The following USP47 variants were observed in gnomAD, a reference collection of about 807,000 sequenced individuals.
USP47 encodes the protein ubiquitin specific peptidase 47, also known as ubiquitin carboxyl-terminal hydrolase 47.
A neutral mutation model predicts 165.1 loss-of-function variants in USP47; 35 were observed. The ratio of observed to expected loss-of-function variants is 0.21; its 90% CI spans 0.16 to 0.28. USP47 has a LOEUF of 0.28. Among genes scored for constraint, USP47 ranks in the 10% least tolerant of loss-of-function variants. The probability of loss-of-function intolerance (pLI) is 1.00; values close to 1 mark genes in which losing one functional copy is unlikely to be tolerated. For missense variants in USP47, 1,277 were observed against 1,607.4 expected (o/e 0.79, Z 3.52); for synonymous variants, 531 against 544.5 (o/e 0.98, Z 0.35).
chr11:11,919,354 A>G (rs1316095526), intron 8 of USP47, among the ~76,000 whole-genome samples: 2 of 151,952 alleles, frequency 1.3e-5, no homozygotes, highest in Non-Finnish European at 2.9e-5. Context: ...CCATGTGTGA[A>G]GAAAAGAGAG....
At position 11,929,514 on chromosome 11, in the gene USP47, G is replaced by A; in HGVS notation, c.1467G>A (p.Lys489=). ...GTGGTCATTATTATGCATGTATAAA[G>A]TCATTCAGTGATGAGCAGTGGTACA... The part of the protein sequence containing the change: ...AAGGHYYACI[K]SFSDEQWYSF... Residue 489 remains lysine (K), a synonymous_variant, in exon 12 of 28, where the codon AAG becomes AAA. Transcript: ENST00000527733. 1 of 1,613,272 alleles carries A rather than the reference G, an allele frequency of 6.2e-7. No homozygotes were observed.
intron 8 of USP47, among the ~76,000 whole-genome samples, chr11:11,917,056 G>A (rs1221501001): frequency 1.3e-5 from 2 of 152,056 alleles, no homozygotes; most frequent in Non-Finnish European, 2.9e-5. Context: ...AGGAGGCTGA[G>A]GTAAGAGAAT....
In USP47 at chr11:11,879,592, T is replaced by G. The variant is rs180822920; in HGVS notation, c.40-585T>G. 4.1e-3 allele frequency among the ~76,000 whole-genome samples: 629 copies of G among 152,256 alleles called. 7 individuals are homozygous for G. The highest frequency in any genetic ancestry group is 0.014 in the African/African-American group (581 of 41,566). On this transcript the variant is annotated intron_variant, in intron 1 of 27. Transcript: ENST00000527733. ...TCCTTCCCCCTCCTCCTGGCTCATC[T>G]GTTTGGATAAGCTTGTCAGCCCCTG...
chr11:11,954,908 C>T lies in USP47; in HGVS notation c.3726C>T (p.Ile1242=). The change falls in exon 26 of 28, where the codon ATC becomes ATT. Residue 1242 remains isoleucine, a synonymous_variant. Transcript: ENST00000527733. ...VDELREKLSE[I]SGIPLDDIEF... ...GTTTTATTTTACAGCTTAGTGAAAT[C>T]AGTGGGATTCCTTTGGATGATATTG... is the stretch of plus-strand genomic sequence containing the variant. The T allele has an allele frequency of 6.2e-7, 1 of 1,613,544 alleles. No homozygotes were observed. The highest frequency in any genetic ancestry group is 8.5e-7 in the Non-Finnish European group (1 of 1,179,866).
chr11:11,945,643 G>C (rs1855770993), intron 20 of USP47, among the ~76,000 whole-genome samples: 1 of 151,978 alleles, frequency 6.6e-6, no homozygotes, highest in Non-Finnish European at 1.5e-5. Flanking sequence ...CTTCACTTAA[G>C]AAATTCGTAA....
At chr11:11,945,694 T>C (rs1235008876) in intron 20 of USP47, among the ~76,000 whole-genome samples, 1 of 151,142 alleles carries the variant, frequency 6.6e-6, no homozygotes, top group Non-Finnish European at 1.5e-5. Flanking sequence ...CCCTGCACTT[T>C]GGGAGGCCGT....
rs2134304599 is a variant in USP47, at chr11:11,880,314, C to T, written c.177C>T (p.Asn59=). ...GAAAGCTCTTTGAAGATGTGGCCAA[C>T]AAAGTAGGCTACATAAATGGAACCT... The part of the protein sequence containing the change: ...PVRKLFEDVA[N]KVGYINGTFD... Residue 59 remains asparagine, a synonymous_variant, in exon 2 of 28, where the codon AAC becomes AAT. Transcript: ENST00000527733. 7.1e-7 allele frequency: 1 copy of T among 1,398,722 alleles called. No homozygotes were observed. The highest frequency in any genetic ancestry group is 9.2e-7 in the Non-Finnish European group (1 of 1,084,284). The allele number at this position is 1,398,722 out of a possible 1,614,324, so 86.6% of individuals were successfully genotyped here.
At chr11:11,885,145 T>G (rs776503859) in intron 3 of USP47, among the ~76,000 whole-genome samples, 6 of 152,178 alleles carry the variant, frequency 3.9e-5, no homozygotes, top group Non-Finnish European at 7.4e-5. Flanking sequence ...TCTAATGCAG[T>G]ATCTCCCAAT....
intron 1 of USP47, among the ~76,000 whole-genome samples, chr11:11,859,249 C>G (rs142397700): frequency 1.2e-4 from 18 of 152,222 alleles, no homozygotes; most frequent in Admixed American, 5.9e-4. Context: ...AGAGTATCCT[C>G]AAAGAGTTTG....
At chr11:11,866,447 G>A (rs1463188815) in intron 1 of USP47, among the ~76,000 whole-genome samples, 2 of 152,130 alleles carry the variant, frequency 1.3e-5, no homozygotes, top group Non-Finnish European at 2.9e-5. Flanking sequence ...TGAGCTAATT[G>A]TTTAGGCATT....
rs745411791 is a variant in USP47 at position 11,936,383 on chromosome 11, G to C, written c.1950G>C (p.Arg650=). 9.9e-6 allele frequency: 16 copies of C among 1,610,152 alleles called. No individual in the cohort carries two copies. The highest frequency in any genetic ancestry group is 1.1e-5 in the Non-Finnish European group (13 of 1,177,576). ...KYDEFHDYLE[R]SYEGEEDTPM... The stretch of plus-strand genomic sequence containing the variant: ...ATGAGTTTCATGATTATCTAGAACG[G>C]TCATATGAAGGAGAAGAAGATACAC... Residue 650 remains arginine, a synonymous_variant, in exon 17 of 28, where the codon CGG becomes CGC. Coordinates refer to ENST00000527733, the MANE Select transcript of USP47 (RefSeq NM_001282659.2).
At chr11:11,919,524 A>G (rs928569269) in intron 8 of USP47, among the ~76,000 whole-genome samples, 36 of 152,002 alleles carry the variant, frequency 2.4e-4, no homozygotes, top group African/African-American at 7.7e-4. Flanking sequence ...GTAATGCTGT[A>G]TGGAGAAAAG....
intron 1 of USP47, among the ~76,000 whole-genome samples, chr11:11,846,337 T>C (rs564495044): frequency 1.8e-4 from 28 of 152,254 alleles, no homozygotes; most frequent in African/African-American, 5.5e-4. Flanking sequence ...AAACTTAGAA[T>C]AGAAAAATTT....
At chr11:11,865,140 A>G (rs1168290408) in intron 1 of USP47, among the ~76,000 whole-genome samples, 4 of 152,142 alleles carry the variant, frequency 2.6e-5, no homozygotes, top group African/African-American at 9.6e-5. Context: ...GGATTTCTTT[A>G]GGTTTACCTT....
rs1850748657 is a variant in USP47 at position 11,880,370 on chromosome 11, C to A, written c.233C>A (p.Thr78Asn). Residue 78 changes from threonine (T) to asparagine (N), a missense_variant, in exon 2 of 28, where the codon ACT becomes AAT. Thr to Asn is a moderately conservative substitution (Grantham distance 65). Coordinates refer to ENST00000527733, the MANE Select transcript of USP47 (RefSeq NM_001282659.2). ...TTGGTGTGGGGAAATGGAATCAATACTGCTGATATGGTAAAATCCTAGACT... is the reference window on the plus strand; with the variant it reads ...TTGGTGTGGGGAAATGGAATCAATAATGCTGATATGGTAAAATCCTAGACT... ...FDLVWGNGIN[T>N]ADMAPLDHTS... is the part of the protein sequence containing the mutation. 3 of 1,317,238 alleles carry A rather than the reference C, an allele frequency of 2.3e-6. No homozygotes were observed. The highest frequency in any genetic ancestry group is 1.5e-5 in the African/African-American group (1 of 65,162). The allele number at this position is 1,317,238 out of a possible 1,614,324, so 81.6% of individuals were successfully genotyped here.
intron 1 of USP47, among the ~76,000 whole-genome samples, chr11:11,862,962 T>G (rs1236358461): frequency 6.6e-6 from 1 of 152,160 alleles, no homozygotes; most frequent in African/African-American, 2.4e-5. Context: ...AATTAATCTT[T>G]CATCATCTAC....
intron 24 of USP47, 59 bp downstream of exon 24, chr11:11,950,541 G>T (rs1590461237): frequency 3.5e-6 from 4 of 1,127,736 alleles, no homozygotes; most frequent in Non-Finnish European, 5.1e-6. Flanking sequence ...ACTAATAGAA[G>T]CCTATAGTTT....
intron 8 of USP47, among the ~76,000 whole-genome samples, chr11:11,916,516 GGAAA>G (rs1356151941): frequency 2.6e-5 from 4 of 151,828 alleles, no homozygotes; most frequent in Admixed American, 2.6e-4. Flanking sequence ...ATCAAATTCA[GGAAA>G]GAAACAGAAG....
At chr11:11,864,831 G>A (rs967007730) in intron 1 of USP47, among the ~76,000 whole-genome samples, 4 of 151,722 alleles carry the variant, frequency 2.6e-5, no homozygotes, top group South Asian at 2.1e-4. Flanking sequence ...TTTCTTTTAG[G>A]TTAGGTCTGC....
Sources: allele counts gnomAD v4.1 joint callset (sites outside exome capture counted in the v4.1 genomes callset), GRCh38; gene constraint gnomAD v4.1.1; transcripts MANE v1.5; gene names NCBI Gene and HGNC (gene_info 2026-07-23, HGNC 2026-07-21).